KMT2C: variants seen among roughly 807,000 people sequenced by gnomAD.
KMT2C encodes the protein histone-lysine N-methyltransferase 2C.
Under a neutral mutation model 507.9 loss-of-function variants are expected in KMT2C, and 88 were observed. That is an observed-to-expected ratio of 0.17 (90% confidence interval 0.15 to 0.21). The LOEUF (loss-of-function observed/expected upper bound fraction) is 0.21. Among genes scored for constraint, KMT2C ranks in the 10% least tolerant of loss-of-function variants. KMT2C has a pLI of 1.00. For synonymous variants in KMT2C, 2,049 were observed against 2,080.8 expected (o/e 0.98, Z 0.42); for missense variants, 4,954 against 5,957.8 (o/e 0.83, Z 5.55).
At chr7:152,200,397 T>G (rs2094100349) in intron 26 of KMT2C, among the ~76,000 whole-genome samples, 1 of 152,156 alleles carries the variant, frequency 6.6e-6, no homozygotes, top group South Asian at 2.1e-4. Flanking sequence ...TAAAATACAT[T>G]ACTAAAAGAA....
At chr7:152,225,687 C>T (rs957255242) in intron 18 of KMT2C, among the ~76,000 whole-genome samples, 1 of 152,132 alleles carries the variant, frequency 6.6e-6, no homozygotes, top group African/African-American at 2.4e-5. Flanking sequence ...CAAAGGACAT[C>T]AGGCCAGGAA....
In KMT2C at chr7:152,162,197, G is replaced by GT; in HGVS notation, c.11379dup (p.Pro3794ThrfsTer2). 1 of 1,613,536 alleles carries GT rather than the reference G, an allele frequency of 6.2e-7. No individual in the cohort carries two copies. The highest frequency in any genetic ancestry group is 2.2e-5 in the East Asian group (1 of 44,880). On this transcript the variant is annotated frameshift_variant, in exon 43 of 59. Transcript: ENST00000262189. LOFTEE classifies it high-confidence loss of function. ...TCTTCTGAACAAATACTGCCCTCAGGTTTTTGATTCAAAAGAGAAGATGAC... is the reference window on the plus strand; with the variant it reads ...TCTTCTGAACAAATACTGCCCTCAGGTTTTTTGATTCAAAAGAGAAGATGAC...
At chr7:152,251,843 G>A (rs1196735944) in intron 11 of KMT2C, 96 bp downstream of exon 11, 1 of 750,838 alleles carries the variant, frequency 1.3e-6, no homozygotes, top group African/African-American at 1.8e-5. Context: ...CTGGAATACA[G>A]GATCCTCTCT....
chr7:152,430,819 C>T (rs1397248837), intron 1 of KMT2C, among the ~76,000 whole-genome samples: 1 of 152,178 alleles, frequency 6.6e-6, no homozygotes, highest in Non-Finnish European at 1.5e-5. Context: ...CATATATCAG[C>T]CACCACACCC....
At chr7:152,421,326 A>C (rs1484077468) in intron 1 of KMT2C, among the ~76,000 whole-genome samples, 1 of 152,206 alleles carries the variant, frequency 6.6e-6, no homozygotes, top group Non-Finnish European at 1.5e-5. Flanking sequence ...CCACTGTCAA[A>C]AGCACTTTGG....
intron 28 of KMT2C, chr7:152,195,672 A>C (rs752228749): frequency 7.5e-6 from 3 of 402,474 alleles, no homozygotes; most frequent in Non-Finnish European, 1.0e-5. Context: ...ACTTTAAGGC[A>C]ACATGCCTTA....
chr7:152,425,383 C>T (rs2097806084), intron 1 of KMT2C, among the ~76,000 whole-genome samples: 2 of 152,128 alleles, frequency 1.3e-5, no homozygotes, highest in Admixed American at 1.3e-4. Context: ...CGAGACCAGC[C>T]TGGCCAACAT....
At chr7:152,390,764 A>G (rs918011206) in intron 1 of KMT2C, among the ~76,000 whole-genome samples, 1 of 152,178 alleles carries the variant, frequency 6.6e-6, no homozygotes, top group Non-Finnish European at 1.5e-5. Flanking sequence ...TGTTTAACAA[A>G]TATTAGACAC....
chr7:152,200,987 T>C (rs28482265), intron 26 of KMT2C, among the ~76,000 whole-genome samples: 1,775 of 152,244 alleles, frequency 0.012, 36 homozygotes, highest in African/African-American at 0.041. Context: ...TCATTTCTTA[T>C]AATAAGCAAT....
chr7:152,184,455 A>G (rs1255952881), intron 34 of KMT2C, among the ~76,000 whole-genome samples: 1 of 152,234 alleles, frequency 6.6e-6, no homozygotes, highest in Non-Finnish European at 1.5e-5. Context: ...AATTTACCAT[A>G]TGAACTGCGA....
intron 7 of KMT2C, among the ~76,000 whole-genome samples, chr7:152,272,818 T>C (rs1247937942): frequency 6.6e-6 from 1 of 152,164 alleles, no homozygotes; most frequent in Non-Finnish European, 1.5e-5. Flanking sequence ...GAGATTAGTT[T>C]AAGCCTGGGG....
At chr7:152,251,273 C>T (rs1283690330) in intron 11 of KMT2C, among the ~76,000 whole-genome samples, 1 of 152,084 alleles carries the variant, frequency 6.6e-6, no homozygotes, top group African/African-American at 2.4e-5. Context: ...ATAGTGAGAA[C>T]CCATCTCTAA....
chr7:152,330,462 G>A, intron 3 of KMT2C, 139 bp downstream of exon 3: 1 of 788,954 alleles, frequency 1.3e-6, no homozygotes, highest in Non-Finnish European at 2.1e-6. Context: ...AGAGGTATCA[G>A]CTTCAAATTT....
chr7:152,409,323 G>T (rs1352534879), intron 1 of KMT2C, among the ~76,000 whole-genome samples: 1 of 151,856 alleles, frequency 6.6e-6, no homozygotes, highest in Non-Finnish European at 1.5e-5. Context: ...CAAGTTCTTT[G>T]AAAACATATT....
rs750070947 is a variant in KMT2C at position 152,148,694 on chromosome 7, T to C, written c.13233A>G (p.Gly4411=). The C allele has an allele frequency of 1.9e-6, 3 of 1,614,188 alleles. No homozygotes were observed. The highest frequency in any genetic ancestry group is 2.2e-5 in the South Asian group (2 of 91,090). Residue 4411 remains glycine (G), a synonymous_variant, in exon 52 of 59, where the codon GGA becomes GGG. Transcript: ENST00000262189. The surrounding 1 kb of genome is among the most constrained non-coding windows in gnomAD (Gnocchi z 7.1). The stretch of plus-strand genomic sequence containing the variant: ...GTAGCCTTGCTGGTCCATCTGTCAA[T>C]CCATCACCTTCTTCATGACAAAAGC... The part of the protein sequence containing the change: ...KCCFCHEEGD[G]LTDGPARLLN...
At chr7:152,261,933 G>T (rs558138558) in intron 9 of KMT2C, among the ~76,000 whole-genome samples, 2,820 of 152,162 alleles carry the variant, frequency 0.019, 47 homozygotes, top group Non-Finnish European at 0.028. Flanking sequence ...CACTTCCCAG[G>T]TAGCCACAGC....
chr7:152,194,352 G>T (rs1279085775), intron 29 of KMT2C, 88 bp downstream of exon 29: 1 of 1,412,438 alleles, frequency 7.1e-7, no homozygotes, highest in East Asian at 2.3e-5. Context: ...GAAATAATTA[G>T]AAGTTAAATT....
At chr7:152,193,473 G>A (rs182261497) in intron 31 of KMT2C, among the ~76,000 whole-genome samples, 25 of 152,318 alleles carry the variant, frequency 1.6e-4, no homozygotes, top group East Asian at 3.9e-4. Flanking sequence ...CTCTGTGGCA[G>A]GGCATATAAG....
rs190102478 is a variant in KMT2C, at chr7:152,356,603, T to C, written c.250+1984A>G. On this transcript the variant is annotated intron_variant, in intron 2 of 58. Coordinates refer to ENST00000262189, the MANE Select transcript of KMT2C (RefSeq NM_170606.3). ...AAAAAAACAAAATTAAAAAAAATAA[T>C]AATCAGGCACGGCGCGGTGACTCAC... Among the ~76,000 whole-genome samples the C allele has an allele frequency of 1.3e-4, 20 of 150,624 alleles. No homozygotes were observed. The East Asian group carries it at 3.9e-3, about 29-fold the overall frequency.
Sources: gnomAD v4.1 joint callset for allele counts (sites outside exome capture counted in the v4.1 genomes callset) on GRCh38, gnomAD v4.1.1 for gene constraint, Gnocchi (gnomAD v3.1) non-coding constraint, MANE v1.5 for transcripts, NCBI Gene and HGNC (gene_info 2026-07-23, HGNC 2026-07-21) for gene names.